Variants in CCDC57 observed in about 807,000 individuals in gnomAD.
CCDC57 encodes the protein coiled-coil domain containing 57, also known as coiled-coil domain-containing protein 57.
Under a neutral mutation model 118.9 loss-of-function variants are expected in CCDC57, and 118 were observed. The ratio of observed to expected loss-of-function variants is 0.99; its 90% CI spans 0.86 to 1.16. CCDC57 has a LOEUF of 1.16. Among genes scored for constraint, CCDC57 ranks in the 50% most tolerant of loss-of-function variants. The pLI, the probability that CCDC57 is intolerant of heterozygous loss-of-function variation, is 0.00. For synonymous variants in CCDC57, 527 were observed against 532.9 expected (o/e 0.99, Z 0.15); for missense variants, 1,300 against 1,320.7 (o/e 0.98, Z 0.24).
chr17:82,140,758 C>T (rs2039905469), intron 16 of CCDC57, among the ~76,000 whole-genome samples: 2 of 152,160 alleles, frequency 1.3e-5, no homozygotes, highest in South Asian at 4.1e-4. Context: ...AGCGATGTTA[C>T]AGAGCCCACA....
chr17:82,212,351 T>TG lies in CCDC57; in HGVS notation c.-211+433dup, dbSNP rs35232771. Among the ~76,000 whole-genome samples the TG allele has an allele frequency of 0.76, 114,089 of 150,556 alleles. 43,971 individuals are homozygous for TG. The highest frequency in any genetic ancestry group is 0.93 in the East Asian group (4,802 of 5,142). ...TGCCCGCCTCTGCCTCCCAAAGTGC[T>TG]GGATTACAGGCGCGAACCACCGCCT... On this transcript the variant is annotated intron_variant, in intron 1 of 19. Coordinates refer to ENST00000665763, the Ensembl canonical transcript of CCDC57. The surrounding 1 kb of genome is among the most constrained non-coding windows in gnomAD (Gnocchi z 4.1).
At chr17:82,171,833 C>T in exon 13 of CCDC57, 3 of 1,613,644 alleles carry the variant, frequency 1.9e-6, no homozygotes, top group Non-Finnish European at 2.5e-6. Context: ...CGTATTTCTG[C>T]TTCAAGGGCC....
At chr17:82,140,288 A>G (rs1031774924) in intron 16 of CCDC57, among the ~76,000 whole-genome samples, 1 of 152,084 alleles carries the variant, frequency 6.6e-6, no homozygotes, top group African/African-American at 2.4e-5. Flanking sequence ...GGGTTTCACC[A>G]TGTTAGCCAT....
At chr17:82,178,494 G>A (rs2045804183) in exon 11 of CCDC57, 1 of 1,613,040 alleles carries the variant, frequency 6.2e-7, no homozygotes, top group Non-Finnish European at 8.5e-7. Flanking sequence ...GGTCTGGGGA[G>A]CCCATGCATC....
intron 15 of CCDC57, chr17:82,156,818 T>G (rs1264084484): frequency 2.0e-5 from 3 of 152,702 alleles, no homozygotes; most frequent in Non-Finnish European, 4.4e-5. Context: ...CTCACTGTCC[T>G]GGAGCCTGAG....
At chr17:82,171,315 T>C (rs1378826414) in intron 13 of CCDC57, among the ~76,000 whole-genome samples, 4 of 129,064 alleles carry the variant, frequency 3.1e-5, no homozygotes, top group South Asian at 2.6e-4. Flanking sequence ...ACGTGGGCTC[T>C]GGAGGTAGCT....
intron 8 of CCDC57, among the ~76,000 whole-genome samples, chr17:82,184,757 G>A (rs1313165740): frequency 1.3e-5 from 2 of 152,182 alleles, no homozygotes; most frequent in Non-Finnish European, 2.9e-5. Context: ...TAGCATGAGT[G>A]GTGCACTCAA....
chr17:82,171,680 C>G, intron 13 of CCDC57, 21 bp downstream of exon 12: 1 of 1,602,328 alleles, frequency 6.2e-7, no homozygotes, highest in Non-Finnish European at 8.5e-7. Flanking sequence ...CAGCAAGTAC[C>G]CCACTGAGAC....
At position 82,151,559 on chromosome 17, in the gene CCDC57, C is replaced by A; in HGVS notation, c.2455+1G>T. 1 of 1,550,220 alleles carries A rather than the reference C, an allele frequency of 6.5e-7. No homozygotes were observed. Among genetic ancestry groups the A allele is most frequent in the Non-Finnish European group, 8.7e-7 (1 of 1,146,932 alleles). On this transcript the variant is annotated splice_donor_variant, in intron 16 of 19. Transcript: ENST00000665763. LOFTEE classifies it high-confidence loss of function. ...CCATGGCCTCCACTTCCCGGACTCA[C>A]TTTCGGGTCGGCCCAGCTCTGCACG...
chr17:82,137,720 C>T (rs2039415483), intron 16 of CCDC57, among the ~76,000 whole-genome samples: 1 of 149,766 alleles, frequency 6.7e-6, no homozygotes, highest in African/African-American at 2.5e-5. Flanking sequence ...TGTCGCCAGG[C>T]TGGAGTGCAG....
intron 2 of CCDC57, among the ~76,000 whole-genome samples, chr17:82,204,251 T>C (rs570478125): frequency 6.6e-6 from 1 of 152,210 alleles, no homozygotes; most frequent in Admixed American, 6.5e-5. Flanking sequence ...TGCCCACCCA[T>C]TGCCGGAGCT....
At chr17:82,174,083 A>T (rs1161355712) in intron 11 of CCDC57, among the ~76,000 whole-genome samples, 1 of 152,236 alleles carries the variant, frequency 6.6e-6, no homozygotes, top group African/African-American at 2.4e-5. Flanking sequence ...GAGTCCAGCC[A>T]AGATGTGTGC....
At chr17:82,135,328 C>G (rs1032539175) in intron 16 of CCDC57, 1 of 152,144 alleles carries the variant, frequency 6.6e-6, no homozygotes, top group Non-Finnish European at 1.5e-5. Flanking sequence ...TCTCGAATTC[C>G]CGACCTCAGG....
At chr17:82,199,017 GA>G (rs35023228) in intron 3 of CCDC57, among the ~76,000 whole-genome samples, 2 of 144,768 alleles carry the variant, frequency 1.4e-5, no homozygotes, top group Non-Finnish European at 1.5e-5. Context: ...AAAGAAAAAG[GA>G]AAAAAAAGAA....
chr17:82,163,505 T>G, intron 13 of CCDC57, 148 bp from the exon 13 acceptor site: 1 of 799,470 alleles, frequency 1.3e-6, no homozygotes, highest in South Asian at 1.8e-5. Context: ...TTCATTGGAG[T>G]CAGCAGATCT....
chr17:82,109,789 G>A (rs1260478239), intron 19 of CCDC57, among the ~76,000 whole-genome samples: 4 of 151,694 alleles, frequency 2.6e-5, no homozygotes, highest in Non-Finnish European at 4.4e-5. Flanking sequence ...CCTGGGAGGC[G>A]GAGCTTGCAG....
chr17:82,148,649 T>C (rs1598914356), intron 16 of CCDC57, among the ~76,000 whole-genome samples: 1 of 3,472 alleles, frequency 2.9e-4, no homozygotes, highest in Non-Finnish European at 5.1e-4. Context: ...GGTGGGTGGG[T>C]GAATAGATGA....
At chr17:82,181,031 G>A (rs1436512724) in intron 9 of CCDC57, among the ~76,000 whole-genome samples, 1 of 151,542 alleles carries the variant, frequency 6.6e-6, no homozygotes. Flanking sequence ...CCGCAGGGAC[G>A]GCAAACCACG....
intron 16 of CCDC57, among the ~76,000 whole-genome samples, chr17:82,139,320 G>T (rs957897811): frequency 2.0e-5 from 3 of 150,704 alleles, no homozygotes; most frequent in African/African-American, 7.3e-5. Flanking sequence ...ATTCACCATG[G>T]CCATGTGCAG....
Sources: allele counts gnomAD v4.1 joint callset (sites outside exome capture counted in the v4.1 genomes callset), GRCh38; gene constraint gnomAD v4.1.1; non-coding constraint Gnocchi (gnomAD v3.1); transcripts MANE v1.5; gene names NCBI Gene and HGNC (gene_info 2026-07-23, HGNC 2026-07-21).